Variants in MYH16 observed in about 807,000 individuals in gnomAD.
MYH16 encodes the protein putative uncharacterized protein MYH16.
At chr7:99,298,702 T>C (rs1327261003) in intron 36 of MYH16, among the ~76,000 whole-genome samples, 2 of 152,192 alleles carry the variant, frequency 1.3e-5, no homozygotes, top group Admixed American at 1.3e-4. Flanking sequence ...TTTATATATT[T>C]TGAACACTTG....
At chr7:99,290,820 T>G (rs867796816) in intron 30 of MYH16, 5 of 144,410 alleles carry the variant, frequency 3.5e-5, no homozygotes, top group Admixed American at 3.4e-4. Context: ...AAAAAAAAAA[T>G]CAATATCCCC....
At chr7:99,267,866 T>C (rs1195427717) in intron 18 of MYH16, among the ~76,000 whole-genome samples, 1 of 152,106 alleles carries the variant, frequency 6.6e-6, no homozygotes, top group Non-Finnish European at 1.5e-5. Context: ...ACACAGGAGG[T>C]TCACAGGCTT....
intron 27 of MYH16, 54 bp downstream of exon 9, chr7:99,285,492 C>T: frequency 4.4e-6 from 2 of 455,788 alleles, no homozygotes; most frequent in Non-Finnish European, 8.8e-6. Flanking sequence ...GGCAGTCACA[C>T]ATCCAACCAT....
intron 37 of MYH16, among the ~76,000 whole-genome samples, chr7:99,300,445 C>T (rs1258039733): frequency 6.6e-6 from 1 of 152,166 alleles, no homozygotes. Context: ...GCTGGAACCA[C>T]ACATCCAACA....
chr7:99,303,376 G>T (rs973488243), intron 39 of MYH16, among the ~76,000 whole-genome samples, 186 bp downstream of exon 20: 3 of 152,260 alleles, frequency 2.0e-5, no homozygotes, highest in Non-Finnish European at 2.9e-5. Context: ...AGCCACACAC[G>T]TGAAAGTAAG....
chr7:99,298,463 C>T (rs1376345255), intron 36 of MYH16, among the ~76,000 whole-genome samples: 1 of 152,100 alleles, frequency 6.6e-6, no homozygotes, highest in Non-Finnish European at 1.5e-5. Flanking sequence ...GAACTCCTGA[C>T]CTCAAGTGAT....
At chr7:99,258,139 C>T (rs1221688374) in exon 11 of MYH16, 1 of 152,626 alleles carries the variant, frequency 6.6e-6, no homozygotes, top group Non-Finnish European at 1.5e-5. Context: ...CAAAGTCGCC[C>T]ATCTCATGGG....
At chr7:99,275,103 T>G (rs1792094133) in intron 20 of MYH16, among the ~76,000 whole-genome samples, 1 of 152,026 alleles carries the variant, frequency 6.6e-6, no homozygotes, top group East Asian at 1.9e-4. Context: ...AAGCGATCCT[T>G]CCACCTCAGC....
intron 30 of MYH16, 140 bp from the exon 12 acceptor site, chr7:99,291,183 T>C (rs897420135): frequency 2.8e-6 from 1 of 354,976 alleles, no homozygotes; most frequent in African/African-American, 2.2e-5. Context: ...AGTGGTGATC[T>C]ACTGTGCTCC....
At chr7:99,295,836 GAAAAAAAAAAAAA>G (rs869299904) in intron 33 of MYH16, among the ~76,000 whole-genome samples, 118 of 56,792 alleles carry the variant, frequency 2.1e-3, no homozygotes, top group Middle Eastern at 0.014. Flanking sequence ...TCATCTCTTG[GAAAAAAAAAAAAA>G]AAAAAAAAAA....
chr7:99,309,612 C>T (rs1584363805), downstream of MYH16, among the ~76,000 whole-genome samples: 1 of 152,246 alleles, frequency 6.6e-6, no homozygotes, highest in South Asian at 2.1e-4. Context: ...GTGGGAACTA[C>T]TCATGAGGCT....
chr7:99,300,311 T>G (rs753595859), intron 37 of MYH16, among the ~76,000 whole-genome samples: 10 of 152,134 alleles, frequency 6.6e-5, no homozygotes, highest in Non-Finnish European at 1.0e-4. Context: ...ATTTCAGACA[T>G]AGAGAAATGA....
intron 20 of MYH16, among the ~76,000 whole-genome samples, chr7:99,276,613 T>C (rs940559563): frequency 1.3e-5 from 2 of 152,154 alleles, no homozygotes; most frequent in African/African-American, 4.8e-5. Flanking sequence ...CCCGGCTGAA[T>C]GGCAAAGAAG....
At chr7:99,249,204 C>G (rs1321909470) in intron 4 of MYH16, among the ~76,000 whole-genome samples, 1 of 152,094 alleles carries the variant, frequency 6.6e-6, no homozygotes, top group East Asian at 1.9e-4. Flanking sequence ...CCCAGGACCT[C>G]CCCACCTGCC....
intron 9 of MYH16, among the ~76,000 whole-genome samples, chr7:99,257,013 A>G (rs193064716): frequency 2.0e-5 from 3 of 152,358 alleles, no homozygotes; most frequent in Admixed American, 6.5e-5. Flanking sequence ...TGTGCCAAGC[A>G]CTGGACTAAA....
intron 39 of MYH16, among the ~76,000 whole-genome samples, 164 bp downstream of exon 20, chr7:99,303,354 C>T (rs568818376): frequency 3.9e-4 from 60 of 152,368 alleles, no homozygotes; most frequent in African/African-American, 1.3e-3. Flanking sequence ...GAGCCCAAGG[C>T]TTTTCTAAAA....
At chr7:99,297,128 C>T (rs1792511185) in intron 34 of MYH16, among the ~76,000 whole-genome samples, 1 of 152,120 alleles carries the variant, frequency 6.6e-6, no homozygotes, top group Non-Finnish European at 1.5e-5. Context: ...CCTCACTTTC[C>T]TCATCTATAA....
At chr7:99,296,787 G>A (rs1404903027) in exon 34 of MYH16, 2 of 456,624 alleles carry the variant, frequency 4.4e-6, no homozygotes, top group Non-Finnish European at 4.4e-6. Flanking sequence ...GTGAGGAGTT[G>A]CAGGTGGAAG....
chr7:99,287,064 G>A (rs1173786810), intron 28 of MYH16, among the ~76,000 whole-genome samples: 8 of 152,184 alleles, frequency 5.3e-5, no homozygotes, highest in Non-Finnish European at 1.2e-4. Context: ...CAGACAGCTG[G>A]GGGGAAGAAT....
Sources: allele counts gnomAD v4.1 joint callset (sites outside exome capture counted in the v4.1 genomes callset), GRCh38; gene constraint gnomAD v4.1.1; transcripts MANE v1.5; gene names NCBI Gene and HGNC (gene_info 2026-07-23, HGNC 2026-07-21).